Variants in DNAH6 observed in about 807,000 individuals in gnomAD.
DNAH6 encodes dynein axonemal heavy chain 6, also known as axonemal beta dynein heavy chain 6.
A neutral mutation model predicts 491.4 loss-of-function variants in DNAH6; 340 were observed. The ratio of observed to expected loss-of-function variants is 0.69; its 90% CI spans 0.63 to 0.76. The LOEUF is 0.76. DNAH6 is among the 30% of genes least tolerant of loss of function. The probability of loss-of-function intolerance (pLI) is 0.00; values close to 1 mark genes in which losing one functional copy is unlikely to be tolerated. For synonymous variants in DNAH6, 1,603 were observed against 1,686.1 expected, an observed-to-expected ratio of 0.95 and a Z score of 1.21; for missense variants, 4,443 against 4,972.2, an observed-to-expected ratio of 0.89 and a Z score of 3.20.
chr2:84,582,746 C>T (rs1023540437), intron 14 of DNAH6, among the ~76,000 whole-genome samples: 10 of 152,200 alleles, frequency 6.6e-5, no homozygotes, highest in African/African-American at 2.4e-4. Flanking sequence ...TAAGCCACTG[C>T]ACCCGGCCAG....
chr2:84,542,766 A>G (rs1260012065), intron 4 of DNAH6, among the ~76,000 whole-genome samples: 1 of 152,146 alleles, frequency 6.6e-6, no homozygotes, highest in African/African-American at 2.4e-5. Flanking sequence ...CCCAAAACAT[A>G]GAATTTTGTT....
chr2:84,669,524 A>G lies in DNAH6; in HGVS notation c.6306+14A>G, dbSNP rs772777098. ...GGAGTGGGCAAGGTAGGAAACTTAC[A>G]TCAAACAAGAAGTCCTCTCCAAATG... On this transcript the variant is annotated intron_variant, in intron 38 of 76. Transcript: ENST00000389394. The G allele has an allele frequency of 1.4e-5, 22 of 1,547,438 alleles. No individual in the cohort carries two copies. The highest frequency in any genetic ancestry group is 1.8e-5 in the Non-Finnish European group (21 of 1,143,214).
At chr2:84,702,649 T>C (rs912244858) in intron 49 of DNAH6, among the ~76,000 whole-genome samples, 5 of 151,720 alleles carry the variant, frequency 3.3e-5, no homozygotes, top group Admixed American at 6.6e-5. Context: ...TTCGTGCCAT[T>C]CTCCTGCCTC....
chr2:84,563,448 G>A (rs1023304662), intron 11 of DNAH6, among the ~76,000 whole-genome samples: 5 of 152,078 alleles, frequency 3.3e-5, no homozygotes, highest in Non-Finnish European at 5.9e-5. Flanking sequence ...TGTGTGAGAT[G>A]GCATCTCATC....
chr2:84,809,430 G>A (rs1175114610), intron 72 of DNAH6, among the ~76,000 whole-genome samples: 4 of 152,054 alleles, frequency 2.6e-5, no homozygotes, highest in East Asian at 1.9e-4. Context: ...TTGGTTAGGC[G>A]GGTCAGCTGA....
In DNAH6 at chr2:84,686,560, A is replaced by G. The variant is rs562141404; in HGVS notation, c.7137+3A>G. 3.6e-5 allele frequency: 54 copies of G among 1,480,824 alleles called. No homozygotes were observed. Among genetic ancestry groups the G allele is most frequent in the Admixed American group, 1.8e-4 (9 of 49,326 alleles). The allele number at this position is 1,480,824 out of a possible 1,614,324, so 91.7% of individuals were successfully genotyped here. ...TCATATTTGGAGATTTCATTAAGGCAAGTATGTTAGATTGACTTGACCTCA... is the reference window on the plus strand; with the variant it reads ...TCATATTTGGAGATTTCATTAAGGCGAGTATGTTAGATTGACTTGACCTCA... On this transcript the variant is annotated splice_donor_region_variant and intron_variant, in intron 44 of 76. Coordinates refer to ENST00000389394, the MANE Select transcript of DNAH6 (RefSeq NM_001370.2).
At chr2:84,548,970 T>C (rs956082239) in intron 8 of DNAH6, among the ~76,000 whole-genome samples, 1 of 152,172 alleles carries the variant, frequency 6.6e-6, no homozygotes, top group Non-Finnish European at 1.5e-5. Context: ...AGAAGAACTA[T>C]AGGCAGCTGC....
intron 46 of DNAH6, among the ~76,000 whole-genome samples, chr2:84,694,700 C>T (rs1036400293): frequency 5.3e-5 from 8 of 151,822 alleles, no homozygotes; most frequent in South Asian, 2.1e-4. Flanking sequence ...GATCAAAGGT[C>T]GAGGAGGTAA....
chr2:84,694,332 T>C lies in DNAH6; in HGVS notation c.7376T>C (p.Leu2459Pro). The part of the protein sequence containing the change: ...GGTGKQSLTR[L>P]AAHICGYKCL... ...ACAGGAAAGCAGTCACTCACGAGAC[T>C]TGCAGCTCATATATGCGGTTACAAA... The change falls in exon 46 of 77, where the codon CTT becomes CCT. Residue 2459 changes from leucine to proline, a missense_variant. Leu to Pro is a moderately conservative substitution (Grantham distance 98). Around this residue, in one of 3 missense-constraint regions of DNAH6, gnomAD observed 2,977 missense variants for 3,296.6 expected, o/e 0.90. Transcript: ENST00000389394. 1 of 1,552,402 alleles carries C rather than the reference T, an allele frequency of 6.4e-7. No individual in the cohort carries two copies. Among genetic ancestry groups the C allele is most frequent in the Non-Finnish European group, 8.7e-7 (1 of 1,147,136 alleles).
At chr2:84,465,221 C>T in the DNAH6 span, among the ~76,000 whole-genome samples, 1 of 152,152 alleles carries the variant, frequency 6.6e-6, no homozygotes. Flanking sequence ...TCAGGCTGGG[C>T]GTGGTGGCTA....
chr2:84,661,501 G>T (rs754850361), intron 37 of DNAH6, among the ~76,000 whole-genome samples: 6 of 151,978 alleles, frequency 3.9e-5, no homozygotes, highest in Non-Finnish European at 5.9e-5. Context: ...TTGGATATAA[G>T]GTCCACAAAG....
intron 60 of DNAH6, among the ~76,000 whole-genome samples, chr2:84,727,124 G>T (rs1335462701): frequency 3.9e-5 from 6 of 152,174 alleles, no homozygotes; most frequent in Non-Finnish European, 2.9e-5. Flanking sequence ...ACCCCAAAAT[G>T]CAGAGTTTAT....
chr2:84,602,684 G>A (rs1685364164), intron 18 of DNAH6, among the ~76,000 whole-genome samples: 3 of 150,108 alleles, frequency 2.0e-5, no homozygotes, highest in Admixed American at 6.6e-5. Context: ...TTTTGCAGCT[G>A]TTATTTTTCA....
intron 71 of DNAH6, among the ~76,000 whole-genome samples, chr2:84,807,078 T>C (rs1679492274): frequency 6.6e-6 from 1 of 152,164 alleles, no homozygotes; most frequent in African/African-American, 2.4e-5. Context: ...GTACTTTTAC[T>C]GTGAAATGCT....
chr2:84,490,954 A>G, the DNAH6 span, among the ~76,000 whole-genome samples: 1 of 152,162 alleles, frequency 6.6e-6, no homozygotes, highest in African/African-American at 2.4e-5. Flanking sequence ...TTGTTCCTTT[A>G]TATTGCTGAG....
chr2:84,653,018 G>GTA (rs1690598204), intron 33 of DNAH6, among the ~76,000 whole-genome samples: 1 of 151,370 alleles, frequency 6.6e-6, no homozygotes, highest in South Asian at 2.1e-4. Context: ...TATATGTTTG[G>GTA]TACTATGCCA....
At chr2:84,697,539 T>A (rs765101816) in intron 46 of DNAH6, 36 bp from the exon 47 acceptor site, 342 of 1,495,380 alleles carry the variant, frequency 2.3e-4, no homozygotes, top group Non-Finnish European at 2.9e-4. Flanking sequence ...GGAAAATGAT[T>A]GAGCAAGTTG....
intron 4 of DNAH6, among the ~76,000 whole-genome samples, chr2:84,532,870 G>T (rs1175143898): frequency 6.6e-6 from 1 of 152,098 alleles, no homozygotes; most frequent in Non-Finnish European, 1.5e-5. Flanking sequence ...TAAGTTATAA[G>T]TTATTTGCAA....
Position 84,552,170 on chromosome 2 carries a change from T to C in DNAH6, c.1486-748T>C, listed in dbSNP as rs146706835. 6.6e-4 allele frequency among the ~76,000 whole-genome samples: 100 copies of C among 152,288 alleles called. 1 individual carries two copies. The highest frequency in any genetic ancestry group is 2.3e-3 in the African/African-American group (94 of 41,554). On this transcript the variant is annotated intron_variant, in intron 9 of 76. Transcript: ENST00000389394. ...GTGGTATATCACTGCTTTCAAATGTTGTATTCTTCTAATTATGACCCCAGG... is the reference window on the plus strand; with the variant it reads ...GTGGTATATCACTGCTTTCAAATGTCGTATTCTTCTAATTATGACCCCAGG...
Sources: allele counts gnomAD v4.1 joint callset (sites outside exome capture counted in the v4.1 genomes callset), GRCh38; gene constraint gnomAD v4.1.1; regional missense constraint gnomAD v4.1.1; transcripts MANE v1.5; gene names NCBI Gene and HGNC (gene_info 2026-07-23, HGNC 2026-07-21).